LOC128462377: variants seen among roughly 807,000 people sequenced by gnomAD.
chr16:89,318,261 T>C, the LOC128462377 span, among the ~76,000 whole-genome samples: 1 of 152,190 alleles, frequency 6.6e-6, no homozygotes, highest in African/African-American at 2.4e-5. Flanking sequence ...TCCCTGCCTG[T>C]GGGCCTTCTA....
chr16:89,351,866 G>A, the LOC128462377 span, among the ~76,000 whole-genome samples: 4 of 152,330 alleles, frequency 2.6e-5, no homozygotes, highest in East Asian at 1.9e-4. Flanking sequence ...TGAACTGTGC[G>A]CTTTATCTGG....
chr16:89,339,327 G>A, the LOC128462377 span, among the ~76,000 whole-genome samples: 1 of 152,112 alleles, frequency 6.6e-6, no homozygotes, highest in African/African-American at 2.4e-5. Flanking sequence ...AGTAAGAGAG[G>A]CCCAGGTTTG....
At chr16:89,357,823 G>A in the LOC128462377 span, among the ~76,000 whole-genome samples, 2 of 152,230 alleles carry the variant, frequency 1.3e-5, no homozygotes, top group African/African-American at 4.8e-5. Flanking sequence ...ATGGCCACAG[G>A]ACAACGCTGC....
chr16:89,320,606 C>T, the LOC128462377 span, among the ~76,000 whole-genome samples: 1 of 152,174 alleles, frequency 6.6e-6, no homozygotes, highest in Non-Finnish European at 1.5e-5. Context: ...TCAGGGTCAC[C>T]GAGAGTCCAG....
chr16:89,369,082 C>T, the LOC128462377 span, among the ~76,000 whole-genome samples: 7 of 152,252 alleles, frequency 4.6e-5, no homozygotes, highest in Middle Eastern at 3.4e-3. Flanking sequence ...AGCTGCCCTA[C>T]AATGATCACA....
At chr16:89,409,354 T>C in the LOC128462377 span, among the ~76,000 whole-genome samples, 2 of 152,168 alleles carry the variant, frequency 1.3e-5, no homozygotes, top group South Asian at 2.1e-4. Flanking sequence ...AAGATCCACC[T>C]ATCAACAGGG....
At chr16:89,394,370 C>T in the LOC128462377 span, among the ~76,000 whole-genome samples, 126 of 152,302 alleles carry the variant, frequency 8.3e-4, no homozygotes, top group South Asian at 0.012. Flanking sequence ...GGCTCCCGCC[C>T]GTAATCCCAG....
the LOC128462377 span, among the ~76,000 whole-genome samples, chr16:89,368,133 A>G: frequency 0.077 from 11,705 of 152,232 alleles, 647 homozygotes; most frequent in Non-Finnish European, 0.13. Context: ...GGTTTAAAAA[A>G]TAAGTCCTAC....
the LOC128462377 span, chr16:89,323,147 T>A: frequency 2.7e-6 from 1 of 373,348 alleles, no homozygotes; most frequent in African/African-American, 2.2e-5. Context: ...AGAAGCACGG[T>A]CTCCAGCGGC....
At chr16:89,332,195 T>A in the LOC128462377 span, among the ~76,000 whole-genome samples, 2 of 152,142 alleles carry the variant, frequency 1.3e-5, no homozygotes, top group African/African-American at 4.8e-5. Context: ...CAGAAATGAC[T>A]TCCTTACGTA....
chr16:89,401,117 G>A, the LOC128462377 span, among the ~76,000 whole-genome samples: 1 of 128,800 alleles, frequency 7.8e-6, no homozygotes, highest in Admixed American at 8.2e-5. Context: ...CTCCCCAGAG[G>A]GAGTCTTGTT....
the LOC128462377 span, among the ~76,000 whole-genome samples, chr16:89,373,685 T>C: frequency 6.6e-6 from 1 of 152,162 alleles, no homozygotes; most frequent in Non-Finnish European, 1.5e-5. Flanking sequence ...CGCTGATGCA[T>C]AAGGAAGACC....
chr16:89,380,705 C>T, the LOC128462377 span, among the ~76,000 whole-genome samples: 1 of 152,222 alleles, frequency 6.6e-6, no homozygotes, highest in Non-Finnish European at 1.5e-5. Context: ...CGAGTACCTG[C>T]CTGCTTTCCA....
chr16:89,380,225 G>C, the LOC128462377 span, among the ~76,000 whole-genome samples: 1 of 152,118 alleles, frequency 6.6e-6, no homozygotes, highest in African/African-American at 2.4e-5. Flanking sequence ...CAATTCTCCT[G>C]TCTCTGCCCC....
chr16:89,371,986 A>G, the LOC128462377 span, among the ~76,000 whole-genome samples: 1 of 152,188 alleles, frequency 6.6e-6, no homozygotes, highest in African/African-American at 2.4e-5. Context: ...CAGAGGCTCT[A>G]AAGATGGGAC....
chr16:89,319,092 A>T, the LOC128462377 span, among the ~76,000 whole-genome samples: 1 of 152,226 alleles, frequency 6.6e-6, no homozygotes, highest in Admixed American at 6.5e-5. Flanking sequence ...ATTTTAAAAA[A>T]TCCAGACTGT....
At chr16:89,324,581 C>G in the LOC128462377 span, 14 of 451,390 alleles carry the variant, frequency 3.1e-5, no homozygotes, top group Non-Finnish European at 6.2e-5. Context: ...TCTGGGGGGG[C>G]ATGATCTCAT....
At chr16:89,416,017 T>C in the LOC128462377 span, among the ~76,000 whole-genome samples, 1 of 151,808 alleles carries the variant, frequency 6.6e-6, no homozygotes, top group South Asian at 2.1e-4. Context: ...GCTAAGGGCC[T>C]TCCTCGTATT....
chr16:89,405,030 C>G, the LOC128462377 span, among the ~76,000 whole-genome samples: 1 of 152,096 alleles, frequency 6.6e-6, no homozygotes, highest in Non-Finnish European at 1.5e-5. Context: ...CTCTCCCATC[C>G]CACCAGAGCC....
Sources: allele counts gnomAD v4.1 joint callset (sites outside exome capture counted in the v4.1 genomes callset), GRCh38; gene constraint gnomAD v4.1.1; transcripts MANE v1.5.